FLNC: variants seen among roughly 807,000 people sequenced by gnomAD.
The protein encoded by FLNC is filamin C.
In FLNC, 91 loss-of-function variants were observed where a neutral mutation model predicts 254.3. The observed-to-expected ratio is 0.36, with a 90% CI of 0.30 to 0.43. The LOEUF (loss-of-function observed/expected upper bound fraction) is 0.43, where lower values mean the gene tolerates loss of function less well. FLNC is among the 20% of genes least tolerant of loss of function. FLNC has a pLI of 1.00. For missense variants in FLNC, 2,853 were observed against 3,802.6 expected (o/e 0.75, Z 6.57); for synonymous variants, 1,430 against 1,577.2 (o/e 0.91, Z 2.21).
In FLNC at chr7:128,842,446, C is replaced by A; in HGVS notation, c.2265+72C>A. The stretch of plus-strand genomic sequence containing the variant: ...GGGAGGGCGGAACCCTCGCTGGAGT[C>A]CCTGTTGTCCCTGGGCTCAGGCTGG... On this transcript the variant is annotated intron_variant, in intron 14 of 47. Coordinates refer to ENST00000325888, the MANE Select transcript of FLNC (RefSeq NM_001458.5). This position sits in a 1 kb window ranked among gnomAD's most constrained non-coding sequence, Gnocchi z 5.4. 1 of 1,606,778 alleles carries A rather than the reference C, an allele frequency of 6.2e-7. No homozygotes were observed. The highest frequency in any genetic ancestry group is 1.3e-5 in the African/African-American group (1 of 74,884).
At position 128,853,964 on chromosome 7, in the gene FLNC, G is replaced by T; in HGVS notation, c.6485-10G>T. On this transcript the variant is annotated splice_polypyrimidine_tract_variant and intron_variant, in intron 39 of 47. Coordinates refer to ENST00000325888, the MANE Select transcript of FLNC (RefSeq NM_001458.5). ...TTCCCTCCCTCACCCTGGCTCCCTT[G>T]ACCACACAGGAAACTGGTTCCAGAT... The T allele has an allele frequency of 6.2e-7, 1 of 1,613,278 alleles. No individual in the cohort carries two copies. The highest frequency in any genetic ancestry group is 1.1e-5 in the South Asian group (1 of 91,058).
chr7:128,846,838 G>A lies in FLNC; in HGVS notation c.4221G>A (p.Val1407=). 6.2e-7 allele frequency: 1 copy of A among 1,614,270 alleles called. No individual in the cohort carries two copies. The highest frequency in any genetic ancestry group is 2.2e-5 in the East Asian group (1 of 44,888). The change falls in exon 24 of 48, where the codon GTG becomes GTA. Residue 1407 remains valine (V), a synonymous_variant. Coordinates refer to ENST00000325888, the MANE Select transcript of FLNC (RefSeq NM_001458.5). ...ACAACAAGGATGGTAGCTGCACCGTGGAGTACATCCCCTTCACTCCTGGAG... is the reference window on the plus strand; with the variant it reads ...ACAACAAGGATGGTAGCTGCACCGTAGAGTACATCCCCTTCACTCCTGGAG... ...CKDNKDGSCT[V]EYIPFTPGDY...
intron 26 of FLNC, 38 bp from the exon 27 acceptor site, chr7:128,848,523 G>C: frequency 6.2e-7 from 1 of 1,608,660 alleles, no homozygotes. Flanking sequence ...CCCCGTCCAT[G>C]CCACCCAGCC....
At position 128,850,370 on chromosome 7, in the gene FLNC, C is replaced by T. The variant is rs754663125; in HGVS notation, c.5299-14C>T. Reference sequence around the variant, plus strand: ...CTTCCCCAGTCACTGACTGTTCCCTCTCACCTGCTGCAGGCCACAGAGGAG... The same window carrying T: ...CTTCCCCAGTCACTGACTGTTCCCTTTCACCTGCTGCAGGCCACAGAGGAG... On this transcript the variant is annotated splice_polypyrimidine_tract_variant and intron_variant, in intron 31 of 47. Coordinates refer to ENST00000325888, the MANE Select transcript of FLNC (RefSeq NM_001458.5). 75 of 1,609,388 alleles carry T rather than the reference C, an allele frequency of 4.7e-5. No individual in the cohort carries two copies. Among genetic ancestry groups the T allele is most frequent in the Non-Finnish European group, 6.1e-5 (72 of 1,175,842 alleles).
In FLNC at chr7:128,842,735, C is replaced by CG; in HGVS notation, c.2389+42dup. On this transcript the variant is annotated intron_variant, in intron 15 of 47. Coordinates refer to ENST00000325888, the MANE Select transcript of FLNC (RefSeq NM_001458.5). The surrounding 1 kb of genome is among the most constrained non-coding windows in gnomAD (Gnocchi z 5.4). ...CGGAAGGGGTGGGTCTGGGAGGGGG[C>CG]GGGGGTGAGTCGAGTCGGGGGCTGA... 1 of 1,484,616 alleles carries CG rather than the reference C, an allele frequency of 6.7e-7. No homozygotes were observed. Among genetic ancestry groups the CG allele is most frequent in the Non-Finnish European group, 9.3e-7 (1 of 1,077,406 alleles). The allele number at this position is 1,484,616 out of a possible 1,614,324, so 92.0% of individuals were successfully genotyped here. A position where few individuals can be genotyped will look rare whatever the true frequency, so the allele number is the denominator to read the frequency against.
intron 10 of FLNC, 26 bp downstream of exon 10, chr7:128,840,700 G>T: frequency 6.2e-7 from 1 of 1,612,582 alleles, no homozygotes; most frequent in South Asian, 1.1e-5. Flanking sequence ...CCCCCATGCT[G>T]TCCTGTCTAG....
chr7:128,847,185 G>C (rs952815559), intron 24 of FLNC, among the ~76,000 whole-genome samples: 2 of 152,230 alleles, frequency 1.3e-5, no homozygotes, highest in African/African-American at 4.8e-5. Context: ...ACCACTCACT[G>C]TGTGTCCAGA....
intron 24 of FLNC, 143 bp downstream of exon 24, chr7:128,847,048 C>A: frequency 2.0e-6 from 2 of 1,017,846 alleles, no homozygotes; most frequent in Non-Finnish European, 2.9e-6. Flanking sequence ...CGGAGCCCGG[C>A]CAGAGGGAGG....
At position 128,838,608 on chromosome 7, in the gene FLNC, G is replaced by A. The variant is rs1343684536; in HGVS notation, c.1216G>A (p.Gly406Ser). 9 of 1,612,818 alleles carry A rather than the reference G, an allele frequency of 5.6e-6. No homozygotes were observed. Among genetic ancestry groups the A allele is most frequent in the Admixed American group, 1.7e-5 (1 of 60,006 alleles). ...TYFDIYTAGAGTGDVAVVIVD... is the reference protein window; with the variant it reads ...TYFDIYTAGASTGDVAVVIVD... ...ACAGCCTCTGTTTTCGGCAGGGGCC[G>A]GCACTGGCGATGTTGCTGTGGTGAT... The change falls in exon 8 of 48, where the codon GGC becomes AGC. Residue 406 changes from glycine (G) to serine (S), a missense_variant. By Grantham distance (56) the Gly-to-Ser change is moderately conservative (BLOSUM62 0). Coordinates refer to ENST00000325888, the MANE Select transcript of FLNC (RefSeq NM_001458.5).
chr7:128,849,789 C>T (rs1808726652), intron 30 of FLNC, among the ~76,000 whole-genome samples, 187 bp from the exon 31 acceptor site: 1 of 152,350 alleles, frequency 6.6e-6, no homozygotes. Context: ...CCAGTGCTGT[C>T]AGCTGTCTCT....
chr7:128,847,731 G>A lies in FLNC; in HGVS notation c.4323G>A (p.Val1441=), dbSNP rs537417545. The change falls in exon 25 of 48, where the codon GTG becomes GTA. Residue 1441 remains valine, a synonymous_variant. Transcript: ENST00000325888. The stretch of plus-strand genomic sequence containing the variant: ...TCCGCGTGCCAGTGAAGGATGTGGT[G>A]GACCCTGGGAAGGTGAAGTGCTCAG... ...SPFRVPVKDV[V]DPGKVKCSGP... is the part of the protein sequence containing the mutation. The A allele has an allele frequency of 6.2e-7, 1 of 1,614,138 alleles. No individual in the cohort carries two copies. The highest frequency in any genetic ancestry group is 1.3e-5 in the African/African-American group (1 of 75,056).
intron 35 of FLNC, among the ~76,000 whole-genome samples, chr7:128,852,152 C>G (rs1288680369): frequency 6.6e-6 from 1 of 152,184 alleles, no homozygotes. Context: ...GTGTGAGCCA[C>G]CACGCCCAGC....
chr7:128,854,021 T>G lies in FLNC; in HGVS notation c.6532T>G (p.Phe2178Val), dbSNP rs754055301. The G allele has an allele frequency of 6.2e-7, 1 of 1,613,138 alleles. No individual in the cohort carries two copies. Among genetic ancestry groups the G allele is most frequent in the East Asian group, 2.2e-5 (1 of 44,868 alleles). ...TGCCCAGGAGCGCCTGACACGCACCTTCACACGCAGCAGCCACACCTACAC... is the reference window on the plus strand; with the variant it reads ...TGCCCAGGAGCGCCTGACACGCACCGTCACACGCAGCAGCCACACCTACAC... ...VSAQERLTRT[F>V]TRSSHTYTRT... The change falls in exon 40 of 48, where the codon TTC (phenylalanine) becomes GTC (valine). Residue 2178 changes from phenylalanine (F) to valine (V), a missense_variant. This residue lies in a region of FLNC where 551 missense variants were observed against 835.0 expected (regional missense o/e 0.66). Coordinates refer to ENST00000325888, the MANE Select transcript of FLNC (RefSeq NM_001458.5).
intron 35 of FLNC, 89 bp downstream of exon 35, chr7:128,851,717 C>G: frequency 3.6e-6 from 5 of 1,393,628 alleles, no homozygotes; most frequent in Non-Finnish European, 5.1e-6. Flanking sequence ...GTTCAAGTCA[C>G]TCGTGACATT....
chr7:128,853,703 T>C lies in FLNC; in HGVS notation c.6362-12T>C, dbSNP rs966423966. 1 of 1,613,736 alleles carries C rather than the reference T, an allele frequency of 6.2e-7. No individual in the cohort carries two copies. The highest frequency in any genetic ancestry group is 8.5e-7 in the Non-Finnish European group (1 of 1,180,034). On this transcript the variant is annotated splice_polypyrimidine_tract_variant and intron_variant, in intron 38 of 47. Transcript: ENST00000325888. ...TCTGAGGTTCCTGACCCACCCTTTG[T>C]CCCCACTTCAGGAAGCCCCTTCACT...
Position 128,853,042 on chromosome 7 carries a change from C to A in FLNC, c.6208+11C>A. On this transcript the variant is annotated intron_variant, in intron 37 of 47. Transcript: ENST00000325888. ...ACACTCGCAATGCAGGTACCTCCTG[C>A]CCCAGAGAGCCCCCATTCCAGCGGG... The A allele has an allele frequency of 6.2e-7, 1 of 1,611,228 alleles. No homozygotes were observed. The highest frequency in any genetic ancestry group is 8.5e-7 in the Non-Finnish European group (1 of 1,178,712).
intron 1 of FLNC, among the ~76,000 whole-genome samples, chr7:128,834,475 C>A (rs978274184): frequency 7.1e-6 from 1 of 141,260 alleles, no homozygotes; most frequent in Non-Finnish European, 1.5e-5. Flanking sequence ...ACCCCACCCA[C>A]CCACCCCTGC....
Position 128,842,393 on chromosome 7 carries a change from C to T in FLNC, c.2265+19C>T. ...CTTCCGGGTGCGTCCTCCCGGCCTG[C>T]CCCGTGCCCACCACCAGGGGTCCCT... On this transcript the variant is annotated intron_variant, in intron 14 of 47. Transcript: ENST00000325888. This position sits in a 1 kb window ranked among gnomAD's most constrained non-coding sequence, Gnocchi z 5.4. 6.2e-7 allele frequency: 1 copy of T among 1,613,044 alleles called. No individual in the cohort carries two copies. Among genetic ancestry groups the T allele is most frequent in the Non-Finnish European group, 8.5e-7 (1 of 1,179,846 alleles).
At chr7:128,831,048 G>GGTGC in intron 1 of FLNC, 59 bp downstream of exon 1, 1 of 1,539,262 alleles carries the variant, frequency 6.5e-7, no homozygotes, top group Non-Finnish European at 8.8e-7. Flanking sequence ...CATGGGGCAG[G>GGTGC]GGCACAGGTG....
Sources: allele counts gnomAD v4.1 joint callset (sites outside exome capture counted in the v4.1 genomes callset), GRCh38; gene constraint gnomAD v4.1.1; regional missense constraint gnomAD v4.1.1; non-coding constraint Gnocchi (gnomAD v3.1); transcripts MANE v1.5; gene names NCBI Gene and HGNC (gene_info 2026-07-23, HGNC 2026-07-21).